The following HEATR5A variants were observed in gnomAD, a reference collection of about 807,000 sequenced individuals.
The protein encoded by HEATR5A is HEAT repeat-containing protein 5A.
HEATR5A carries 178 observed loss-of-function variants against 218.8 expected under a neutral mutation model. That is an observed-to-expected ratio of 0.81 (90% CI 0.72 to 0.92). The LOEUF (loss-of-function observed/expected upper bound fraction) is 0.92, where lower values mean the gene tolerates loss of function less well. Among genes scored for constraint, HEATR5A ranks in the 40% least tolerant of loss-of-function variants. The pLI is 0.00. For missense variants in HEATR5A, 2,420 were observed against 2,418.9 expected (o/e 1.00, Z -0.01); for synonymous variants, 864 against 871.6 (o/e 0.99, Z 0.15).
At chr14:31,296,764 T>C (rs970306395) in intron 33 of HEATR5A, 9 of 152,190 alleles carry the variant, frequency 5.9e-5, no homozygotes, top group African/African-American at 9.7e-5. Flanking sequence ...ATCACTGTTA[T>C]TCAAAAAAGA....
chr14:31,350,758 GTTTTTGTT>G (rs778455354), intron 16 of HEATR5A, 41 bp from the exon 17 acceptor site: 5 of 921,184 alleles, frequency 5.4e-6, no homozygotes, highest in South Asian at 4.4e-5. Flanking sequence ...AAGTAGGTAA[GTTTTTGTT>G]TGTTTGTTTG....
rs1251531380 is a variant in HEATR5A at position 31,323,808 on chromosome 14, T to C, written c.3548-4A>G. 1 of 1,564,152 alleles carries C rather than the reference T, an allele frequency of 6.4e-7. No homozygotes were observed. On this transcript the variant is annotated splice_polypyrimidine_tract_variant and splice_region_variant and intron_variant, in intron 23 of 35. Transcript: ENST00000543095. ...ACACAAGTTACAGCTGTAAAATCTT[T>C]TATTAAAGGAGAACATATGTAATTA...
chr14:31,403,960 T>C (rs1327485733), intron 1 of HEATR5A, among the ~76,000 whole-genome samples: 1 of 152,210 alleles, frequency 6.6e-6, no homozygotes, highest in Admixed American at 6.5e-5. Context: ...ACTTACTTTT[T>C]AAATGGTTAA....
rs756297444 is a variant in HEATR5A, at chr14:31,308,012, C to T, written c.4699G>A (p.Val1567Met). 2.4e-5 allele frequency: 39 copies of T among 1,606,534 alleles called. No individual in the cohort carries two copies. The highest frequency in any genetic ancestry group is 1.6e-4 in the African/African-American group (12 of 74,740). ...GAACGTAAGGAACATAGAAATTCCA[C>T]GCTGATTCCTGTGGAAAGCAAAAAA... The part of the protein sequence containing the change: ...DRFHLILGIS[V>M]EFLCSLRSDA... Residue 1567 changes from valine to methionine, a missense_variant, in exon 30 of 36, where the codon GTG (valine) becomes ATG (methionine). Coordinates refer to ENST00000543095, the MANE Select transcript of HEATR5A (RefSeq NM_015473.4).
At position 31,358,652 on chromosome 14, in the gene HEATR5A, A is replaced by G; in HGVS notation, c.2396T>C (p.Val799Ala). The change falls in exon 16 of 36, where the codon GTG (valine) becomes GCG (alanine). Residue 799 changes from valine (V) to alanine (A), a missense_variant. Physicochemically the swap from Val to Ala is moderately conservative, Grantham distance 64. Coordinates refer to ENST00000543095, the MANE Select transcript of HEATR5A (RefSeq NM_015473.4). ...SKLFGVVCAH[V>A]GETQRLLILE... Reference sequence around the variant, plus strand: ...AGATATTTACCTTTGAGTTTCTCCCACATGAGCGCATACAACCCCAAAGAG... The same window carrying G: ...AGATATTTACCTTTGAGTTTCTCCCGCATGAGCGCATACAACCCCAAAGAG... 6 of 1,613,420 alleles carry G rather than the reference A, an allele frequency of 3.7e-6. No individual in the cohort carries two copies. The highest frequency in any genetic ancestry group is 5.1e-6 in the Non-Finnish European group (6 of 1,179,694).
intron 22 of HEATR5A, among the ~76,000 whole-genome samples, chr14:31,335,143 T>C (rs966611035): frequency 1.3e-5 from 2 of 152,098 alleles, no homozygotes; most frequent in Non-Finnish European, 2.9e-5. Context: ...GGTATGTACA[T>C]TGCTTTTTTA....
rs760895628 is a variant in HEATR5A at position 31,305,093 on chromosome 14, A to G, written c.5051T>C (p.Leu1684Ser). 2 of 1,613,990 alleles carry G rather than the reference A, an allele frequency of 1.2e-6. No homozygotes were observed. The highest frequency in any genetic ancestry group is 2.2e-5 in the South Asian group (2 of 91,082). The change falls in exon 32 of 36, where the codon TTG (leucine) becomes TCG (serine). Residue 1684 changes from leucine to serine, a missense_variant. Coordinates refer to ENST00000543095, the MANE Select transcript of HEATR5A (RefSeq NM_015473.4). ...DTGGLVPGKS[L>S]VFATLELCVC... ...ACACAATTCCAGTGTTGCAAAGACCAAAGACTTTCCAGGCACAAGTCCTCC... is the reference window on the plus strand; with the variant it reads ...ACACAATTCCAGTGTTGCAAAGACCGAAGACTTTCCAGGCACAAGTCCTCC...
At chr14:31,377,608 G>A (rs565657330) in intron 11 of HEATR5A, among the ~76,000 whole-genome samples, 19 of 151,996 alleles carry the variant, frequency 1.3e-4, no homozygotes, top group Admixed American at 8.5e-4. Context: ...TGGGCAACAT[G>A]ACAAAACCCC....
chr14:31,397,379 C>G, intron 4 of HEATR5A, among the ~76,000 whole-genome samples: 1 of 151,506 alleles, frequency 6.6e-6, no homozygotes, highest in Non-Finnish European at 1.5e-5. Flanking sequence ...GGTCTTGGGC[C>G]GGGCATGGTG....
rs61754289 is a variant in HEATR5A at position 31,388,984 on chromosome 14, C to A, written c.794G>T (p.Arg265Leu). Residue 265 changes from arginine (R) to leucine (L), a missense_variant, in exon 7 of 36, where the codon CGC (arginine) becomes CTC (leucine). Transcript: ENST00000543095. Reference protein sequence around the residue: ...PGTAASRQSIRRVSLEEVLEL... With the variant: ...PGTAASRQSILRVSLEEVLEL... The stretch of plus-strand genomic sequence containing the variant: ...CAGAACTTCCTCCAAAGATACTCTG[C>A]GAATGCTTTGACGTGAGGCTGCTAT... The A allele has an allele frequency of 2.5e-6, 4 of 1,612,404 alleles. No individual in the cohort carries two copies. The highest frequency in any genetic ancestry group is 1.3e-5 in the African/African-American group (1 of 74,890).
At chr14:31,388,759 T>C (rs979876028) in intron 7 of HEATR5A, 86 bp downstream of exon 7, 1 of 1,027,228 alleles carries the variant, frequency 9.7e-7, no homozygotes, top group Non-Finnish European at 1.5e-6. Flanking sequence ...TGACCTTGCA[T>C]AGTACCACTT....
At chr14:31,375,375 T>A (rs988546852) in intron 11 of HEATR5A, among the ~76,000 whole-genome samples, 2 of 152,132 alleles carry the variant, frequency 1.3e-5, no homozygotes, top group African/African-American at 4.8e-5. Flanking sequence ...GTACAATTAT[T>A]ATAGTAACAA....
chr14:31,411,423 A>G (rs563539000), intron 1 of HEATR5A, among the ~76,000 whole-genome samples: 1 of 152,342 alleles, frequency 6.6e-6, no homozygotes, highest in African/African-American at 2.4e-5. Context: ...ATGGGAGGAA[A>G]AAAAAGTAAA....
chr14:31,314,990 C>G (rs528977535), intron 27 of HEATR5A, among the ~76,000 whole-genome samples: 1 of 151,982 alleles, frequency 6.6e-6, no homozygotes, highest in African/African-American at 2.4e-5. Flanking sequence ...CTGGCCAACA[C>G]GATGAAACCC....
intron 16 of HEATR5A, among the ~76,000 whole-genome samples, chr14:31,356,339 C>T (rs1192702360): frequency 6.6e-6 from 1 of 152,132 alleles, no homozygotes; most frequent in African/African-American, 2.4e-5. Context: ...CAGTATCAAG[C>T]GAACCTCCCA....
At chr14:31,399,447 T>A (rs1006758167) in intron 3 of HEATR5A, among the ~76,000 whole-genome samples, 1 of 152,188 alleles carries the variant, frequency 6.6e-6, no homozygotes, top group Non-Finnish European at 1.5e-5. Flanking sequence ...CAAGAAATAA[T>A]GTTCTCATCA....
Position 31,358,917 on chromosome 14 carries a change from C to A in HEATR5A, c.2212G>T (p.Asp738Tyr). Residue 738 changes from aspartate (D) to tyrosine (Y), a missense_variant, in exon 15 of 36, where the codon GAC becomes TAC. Transcript: ENST00000543095. The stretch of plus-strand genomic sequence containing the variant: ...ACCTGTTCTTCAATAAATCTATGGT[C>A]AGTCTCTTGTAGGAAAGGACTTAGT... ...LILSPFLQET[D>Y]HRFIEEQLLL... 6.3e-7 allele frequency: 1 copy of A among 1,596,546 alleles called. No homozygotes were observed. The highest frequency in any genetic ancestry group is 1.1e-5 in the South Asian group (1 of 87,820).
rs779311007 is a variant in HEATR5A, at chr14:31,308,917, A to G, written c.4690+17T>C. ...AAACCCCTAAGGTTGTAAACTTGTAAAAGTGGTTTAACTGACCTAAAATAA... is the reference window on the plus strand; with the variant it reads ...AAACCCCTAAGGTTGTAAACTTGTAGAAGTGGTTTAACTGACCTAAAATAA... On this transcript the variant is annotated intron_variant, in intron 29 of 35. Coordinates refer to ENST00000543095, the MANE Select transcript of HEATR5A (RefSeq NM_015473.4). 1.7e-5 allele frequency: 27 copies of G among 1,598,624 alleles called. No homozygotes were observed. The highest frequency in any genetic ancestry group is 3.4e-4 in the Middle Eastern group (2 of 5,956).
At position 31,352,630 on chromosome 14, in the gene HEATR5A, T is replaced by C. The variant is rs769864907; in HGVS notation, c.2412-1913A>G. Among the ~76,000 whole-genome samples the C allele has an allele frequency of 3.3e-5, 5 of 151,906 alleles. 1 individual carries two copies. The highest frequency in any genetic ancestry group is 1.2e-4 in the African/African-American group (5 of 41,400). On this transcript the variant is annotated intron_variant, in intron 16 of 35. Coordinates refer to ENST00000543095, the MANE Select transcript of HEATR5A (RefSeq NM_015473.4). Reference sequence around the variant, plus strand: ...CGAGGCTATGTGTACATCATAAGGGTTGGGGAAAGCAGTATGTATAAAATC... The same window carrying C: ...CGAGGCTATGTGTACATCATAAGGGCTGGGGAAAGCAGTATGTATAAAATC...
Sources: gnomAD v4.1 joint callset for allele counts (sites outside exome capture counted in the v4.1 genomes callset) on GRCh38, gnomAD v4.1.1 for gene constraint, MANE v1.5 for transcripts, NCBI Gene and HGNC (gene_info 2026-07-23, HGNC 2026-07-21) for gene names.